Variants in SLC9C2 observed in about 807,000 individuals in gnomAD.
SLC9C2 encodes the protein solute carrier family 9 member C2 (putative).
SLC9C2 carries 75 observed loss-of-function variants against 140.2 expected under a neutral mutation model. That is an observed-to-expected ratio of 0.53 (90% CI 0.44 to 0.65). The LOEUF (loss-of-function observed/expected upper bound fraction) is 0.65, where lower values mean the gene tolerates loss of function less well. Ranked by LOEUF, SLC9C2 falls within the 30% of genes least tolerant of loss-of-function variation. SLC9C2 has a pLI of 0.00. For missense variants in SLC9C2, 1,074 were observed against 1,331.8 expected (o/e 0.81, Z 3.01); for synonymous variants, 375 against 420.9 (o/e 0.89, Z 1.34).
In SLC9C2 at chr1:173,573,260, C is replaced by T; in HGVS notation, c.968G>A (p.Gly323Glu). 6.3e-7 allele frequency: 1 copy of T among 1,582,810 alleles called. No homozygotes were observed. Among genetic ancestry groups the T allele is most frequent in the Non-Finnish European group, 8.7e-7 (1 of 1,153,052 alleles). Residue 323 changes from glycine to glutamate, a missense_variant, in exon 9 of 28, where the codon GGA becomes GAA. Coordinates refer to ENST00000367714, the MANE Select transcript of SLC9C2 (RefSeq NM_178527.4). ...LIYAFFGIVI[G>E]CGELSHYEFH... ...TTCATAGTGGCTGAGTTCTCCACAT[C>T]CAATCACAATGCCAAAGAAAGCATA...
chr1:173,601,745 C>A lies in SLC9C2; in HGVS notation c.32G>T (p.Ser11Ile). The change falls in exon 2 of 28, where the codon AGT becomes ATT. Residue 11 changes from serine (S) to isoleucine (I), a missense_variant. Coordinates refer to ENST00000367714, the MANE Select transcript of SLC9C2 (RefSeq NM_178527.4). ...CCCGCAGAGTAAATCAGGTCTGTTA[C>A]TTTCATTTTGTGCCCAGAAGTAAGA... Reference protein sequence around the residue: MSSYFWAQNESNRPDLLCGQP... With the variant: MSSYFWAQNEINRPDLLCGQP... 6.2e-7 allele frequency: 1 copy of A among 1,614,054 alleles called. No homozygotes were observed. Among genetic ancestry groups the A allele is most frequent in the Non-Finnish European group, 8.5e-7 (1 of 1,179,956 alleles).
In SLC9C2 at chr1:173,500,963, A is replaced by C; in HGVS notation, c.*131T>G. On this transcript the variant is annotated 3_prime_UTR_variant, in exon 28 of 28. Transcript: ENST00000367714. ...ACTAAATGCAGCAGTAACCTGTTTCAGTAGCTTCTAAGTAAACTCCTTGCA... is the reference window on the plus strand; with the variant it reads ...ACTAAATGCAGCAGTAACCTGTTTCCGTAGCTTCTAAGTAAACTCCTTGCA... 9.4e-7 allele frequency: 1 copy of C among 1,063,142 alleles called. No homozygotes were observed. The highest frequency in any genetic ancestry group is 1.6e-5 in the African/African-American group (1 of 61,294). The allele number at this position is 1,063,142 out of a possible 1,614,324, so 65.9% of individuals were successfully genotyped here.
At chr1:173,521,255 A>G in intron 22 of SLC9C2, 46 bp downstream of exon 22, 1 of 1,095,280 alleles carries the variant, frequency 9.1e-7, no homozygotes, top group Non-Finnish European at 1.3e-6. Context: ...CATGTTTCAA[A>G]ATACATTTTA....
chr1:173,518,931 T>C (rs1269551233), intron 22 of SLC9C2, among the ~76,000 whole-genome samples: 8 of 152,110 alleles, frequency 5.3e-5, no homozygotes. Flanking sequence ...CTGTCTGTTG[T>C]TCAACCAAAT....
chr1:173,545,107 C>A (rs1662750631), intron 13 of SLC9C2, among the ~76,000 whole-genome samples: 1 of 152,096 alleles, frequency 6.6e-6, no homozygotes, highest in Admixed American at 6.6e-5. Flanking sequence ...TAAGACCACC[C>A]AAAGATTCAA....
chr1:173,510,698 G>A (rs571302390), intron 23 of SLC9C2, among the ~76,000 whole-genome samples: 3 of 152,178 alleles, frequency 2.0e-5, no homozygotes, highest in Non-Finnish European at 4.4e-5. Flanking sequence ...GTATTCCATG[G>A]TGTGTATGTA....
intron 2 of SLC9C2, 119 bp from the exon 3 acceptor site, chr1:173,600,336 A>C: frequency 1.7e-5 from 7 of 416,288 alleles, no homozygotes; most frequent in Non-Finnish European, 1.7e-5. Context: ...TTAATATTTA[A>C]TGATGTGGCT....
chr1:173,564,904 T>TG (rs1352871392), intron 9 of SLC9C2, among the ~76,000 whole-genome samples: 3 of 151,662 alleles, frequency 2.0e-5, no homozygotes, highest in Non-Finnish European at 4.4e-5. Flanking sequence ...CCCAAAGTGC[T>TG]GGGATTACAG....
chr1:173,506,881 C>G lies in SLC9C2; in HGVS notation c.3200G>C (p.Cys1067Ser). ...CTGCTCACAGGTTGTAGGTATAATG[C>G]AAGGTGCAAAATATGGTTCCTCTGT... ...TKTEEPYFAPCIIPTTCEQVQ... is the reference protein window; with the variant it reads ...TKTEEPYFAPSIIPTTCEQVQ... Residue 1067 changes from cysteine (C) to serine (S), a missense_variant, in exon 25 of 28, where the codon TGC becomes TCC. Physicochemically the swap from Cys to Ser is moderately radical, Grantham distance 112 (BLOSUM62 -1). Transcript: ENST00000367714. 1 of 1,613,414 alleles carries G rather than the reference C, an allele frequency of 6.2e-7. No homozygotes were observed. Among genetic ancestry groups the G allele is most frequent in the Non-Finnish European group, 8.5e-7 (1 of 1,179,786 alleles).
At chr1:173,582,540 C>G (rs1227332601) in intron 6 of SLC9C2, among the ~76,000 whole-genome samples, 2 of 152,124 alleles carry the variant, frequency 1.3e-5, no homozygotes, top group African/African-American at 4.8e-5. Flanking sequence ...AAAATTGTCC[C>G]ACCCCAATGC....
At chr1:173,594,888 T>C (rs1350272423) in intron 4 of SLC9C2, among the ~76,000 whole-genome samples, 1 of 152,070 alleles carries the variant, frequency 6.6e-6, no homozygotes, top group Non-Finnish European at 1.5e-5. Context: ...AATGGAGATT[T>C]TGGTTGTTTT....
rs542823966 is a variant in SLC9C2 at position 173,590,751 on chromosome 1, T to C, written c.358-2921A>G. ...TGACTAACGGGCAGGAGATAATGTATACACAGTGGGTATGCTGGCCAAAGG... is the reference window on the plus strand; with the variant it reads ...TGACTAACGGGCAGGAGATAATGTACACACAGTGGGTATGCTGGCCAAAGG... On this transcript the variant is annotated intron_variant, in intron 4 of 27. Coordinates refer to ENST00000367714, the MANE Select transcript of SLC9C2 (RefSeq NM_178527.4). 2.0e-5 allele frequency among the ~76,000 whole-genome samples: 3 copies of C among 152,242 alleles called. No homozygotes were observed. In the South Asian group the frequency reaches 6.2e-4, roughly 32 times the overall value.
rs531735022 is a variant in SLC9C2, at chr1:173,511,221, G to A, written c.2908-1522C>T. Among the ~76,000 whole-genome samples, 4 of 151,794 alleles carry A rather than the reference G, an allele frequency of 2.6e-5. No individual in the cohort carries two copies. In the South Asian group the frequency reaches 8.3e-4, roughly 32 times the overall value. On this transcript the variant is annotated intron_variant, in intron 23 of 27. Coordinates refer to ENST00000367714, the MANE Select transcript of SLC9C2 (RefSeq NM_178527.4). Reference sequence around the variant, plus strand: ...TAGTTTTTGTATTTTTAGTAGGGATGGGGTTTCCCCATGTTGGCCAGGATG... The same window carrying A: ...TAGTTTTTGTATTTTTAGTAGGGATAGGGTTTCCCCATGTTGGCCAGGATG...
chr1:173,550,092 C>A (rs1663150418), intron 11 of SLC9C2, among the ~76,000 whole-genome samples: 1 of 152,164 alleles, frequency 6.6e-6, no homozygotes. Flanking sequence ...CCAAGCACAC[C>A]TTTTCACTGC....
rs180880621 is a variant in SLC9C2 at position 173,597,465 on chromosome 1, G to A, written c.357+439C>T. Among the ~76,000 whole-genome samples the A allele has an allele frequency of 3.9e-3, 586 of 151,686 alleles. 2 individuals carry two copies. The highest frequency in any genetic ancestry group is 6.9e-3 in the Admixed American group (105 of 15,272). On this transcript the variant is annotated intron_variant, in intron 4 of 27. Coordinates refer to ENST00000367714, the MANE Select transcript of SLC9C2 (RefSeq NM_178527.4). ...ATAAAACCAAAATAAAATGTTCTCT[G>A]AAAAAAGAAATAAAACAGTACAACA... is the stretch of plus-strand genomic sequence containing the variant.
In SLC9C2 at chr1:173,601,585, G is replaced by C; in HGVS notation, c.127+65C>G. The C allele has an allele frequency of 4.5e-6, 7 of 1,560,590 alleles. No individual in the cohort carries two copies. In the South Asian group the frequency reaches 8.5e-5, roughly 19 times the overall value. On this transcript the variant is annotated intron_variant, in intron 2 of 27. Coordinates refer to ENST00000367714, the MANE Select transcript of SLC9C2 (RefSeq NM_178527.4). ...CTTTTGATGTTATGTAGTTGTGATG[G>C]CTTTCTGCATTGACAAAAGGTTCAC...
intron 13 of SLC9C2, among the ~76,000 whole-genome samples, chr1:173,545,682 GC>G: frequency 6.6e-6 from 1 of 152,310 alleles, no homozygotes; most frequent in East Asian, 1.9e-4. Context: ...ATAGGATGTA[GC>G]TTTTTGGGTT....
chr1:173,531,456 A>T (rs1468842143), intron 17 of SLC9C2, among the ~76,000 whole-genome samples: 2 of 152,198 alleles, frequency 1.3e-5, no homozygotes, highest in African/African-American at 2.4e-5. Context: ...CTACACAAAT[A>T]ACTCAAAATC....
At chr1:173,583,939 T>C (rs918436401) in intron 5 of SLC9C2, among the ~76,000 whole-genome samples, 5 of 152,178 alleles carry the variant, frequency 3.3e-5, no homozygotes, top group Non-Finnish European at 7.4e-5. Flanking sequence ...CTGAATCAGA[T>C]TCCAAAATAA....
Sources: allele counts gnomAD v4.1 joint callset (sites outside exome capture counted in the v4.1 genomes callset), GRCh38; gene constraint gnomAD v4.1.1; transcripts MANE v1.5; gene names NCBI Gene and HGNC (gene_info 2026-07-23, HGNC 2026-07-21).